The following SLC6A3 variants were observed in gnomAD, a reference collection of about 807,000 sequenced individuals.
The protein encoded by SLC6A3 is solute carrier family 6 member 3.
A neutral mutation model predicts 70.4 loss-of-function variants in SLC6A3; 19 were observed. The observed-to-expected ratio is 0.27, with a 90% CI of 0.19 to 0.40. The LOEUF (loss-of-function observed/expected upper bound fraction) is 0.40, where lower values mean the gene tolerates loss of function less well. Ranked by LOEUF, SLC6A3 falls within the 10% of genes least tolerant of loss-of-function variation. The pLI is 1.00. For synonymous variants in SLC6A3, 368 were observed against 356.6 expected, an observed-to-expected ratio of 1.03 and a Z score of -0.36; for missense variants, 613 against 838.5, an observed-to-expected ratio of 0.73 and a Z score of 3.32.
At chr5:1,440,566 G>C (rs2927676) in intron 3 of SLC6A3, among the ~76,000 whole-genome samples, 120,060 of 152,166 alleles carry the variant, frequency 0.79, 47,545 homozygotes, top group South Asian at 0.85. Context: ...TTCTAACCCC[G>C]CAAACCTCAG....
chr5:1,407,382 C>T (rs1756008978), intron 11 of SLC6A3, among the ~76,000 whole-genome samples: 1 of 152,228 alleles, frequency 6.6e-6, no homozygotes, highest in Non-Finnish European at 1.5e-5. Flanking sequence ...CCGGAAGAAG[C>T]CAAGAGGGGC....
chr5:1,411,379 G>A lies in SLC6A3; in HGVS notation c.1157-24C>T. The A allele has an allele frequency of 6.6e-7, 1 of 1,511,748 alleles. No individual in the cohort carries two copies. The highest frequency in any genetic ancestry group is 9.0e-7 in the Non-Finnish European group (1 of 1,112,290). The allele number at this position is 1,511,748 out of a possible 1,614,324, so 93.6% of individuals were successfully genotyped here. A position where few individuals can be genotyped will look rare whatever the true frequency, so the allele number is the denominator to read the frequency against. On this transcript the variant is annotated intron_variant, in intron 8 of 14. Coordinates refer to ENST00000270349, the MANE Select transcript of SLC6A3 (RefSeq NM_001044.5). The surrounding 1 kb of genome is among the most constrained non-coding windows in gnomAD (Gnocchi z 6.5). ...CCCTGAAACAGAACCCGCCCTGCTT[G>A]CCACAGAGCCCACGCTGTGCTCTCC...
At chr5:1,418,699 T>C (rs1484597927) in intron 6 of SLC6A3, among the ~76,000 whole-genome samples, 2 of 149,308 alleles carry the variant, frequency 1.3e-5, no homozygotes, top group African/African-American at 2.5e-5. Flanking sequence ...CATCCACCAA[T>C]CCACCCATCA....
chr5:1,436,590 C>A lies in SLC6A3; in HGVS notation c.419-3892G>T, dbSNP rs1288400209. Among the ~76,000 whole-genome samples the A allele has an allele frequency of 1.3e-5, 2 of 152,146 alleles. No individual in the cohort carries two copies. Among genetic ancestry groups the A allele is most frequent in the Non-Finnish European group, 2.9e-5 (2 of 68,022 alleles). On this transcript the variant is annotated intron_variant, in intron 3 of 14. Transcript: ENST00000270349. The surrounding 1 kb of genome is among the most constrained non-coding windows in gnomAD (Gnocchi z 5.2). ...CTTAGTATCTTTTTCTTTATATTAA[C>A]CTTGTGTGTAGTTTGTTTTGTGTTT...
At position 1,411,381 on chromosome 5, in the gene SLC6A3, C is replaced by A. The variant is rs1470618559; in HGVS notation, c.1157-26G>T. ...CTGAAACAGAACCCGCCCTGCTTGCCACAGAGCCCACGCTGTGCTCTCCCG... is the reference window on the plus strand; with the variant it reads ...CTGAAACAGAACCCGCCCTGCTTGCAACAGAGCCCACGCTGTGCTCTCCCG... On this transcript the variant is annotated intron_variant, in intron 8 of 14. Coordinates refer to ENST00000270349, the MANE Select transcript of SLC6A3 (RefSeq NM_001044.5). This position sits in a 1 kb window ranked among gnomAD's most constrained non-coding sequence, Gnocchi z 6.5. The A allele has an allele frequency of 6.6e-7, 1 of 1,504,116 alleles. No individual in the cohort carries two copies. Among genetic ancestry groups the A allele is most frequent in the Non-Finnish European group, 9.0e-7 (1 of 1,105,484 alleles). The allele number at this position is 1,504,116 out of a possible 1,614,324, so 93.2% of individuals were successfully genotyped here.
chr5:1,443,675 T>A (rs1200515227), intron 1 of SLC6A3, among the ~76,000 whole-genome samples: 1 of 131,754 alleles, frequency 7.6e-6, no homozygotes, highest in Non-Finnish European at 1.7e-5. Flanking sequence ...TTCTTTTTTC[T>A]TTTTTTTTTC....
At chr5:1,399,919 T>C (rs1413307587) in intron 14 of SLC6A3, among the ~76,000 whole-genome samples, 1 of 152,176 alleles carries the variant, frequency 6.6e-6, no homozygotes. Context: ...CCTCTGCCTG[T>C]ATCCTTGCTC....
intron 4 of SLC6A3, among the ~76,000 whole-genome samples, 181 bp downstream of exon 4, chr5:1,432,283 G>A (rs1039333625): frequency 6.6e-6 from 1 of 152,166 alleles, no homozygotes; most frequent in Non-Finnish European, 1.5e-5. Context: ...TGAGCTCCTG[G>A]AGACCACCAC....
In SLC6A3 at chr5:1,408,360, T is replaced by C. The variant is rs1756036752; in HGVS notation, c.1498+666A>G. Among the ~76,000 whole-genome samples, 1 of 152,114 alleles carries C rather than the reference T, an allele frequency of 6.6e-6. No individual in the cohort carries two copies. Among genetic ancestry groups the C allele is most frequent in the Non-Finnish European group, 1.5e-5 (1 of 68,014 alleles). ...CCCGGACCACACATTCATGGCGAGATGCCCTGGCTCGGCCTCGCCACTTCC... is the reference window on the plus strand; with the variant it reads ...CCCGGACCACACATTCATGGCGAGACGCCCTGGCTCGGCCTCGCCACTTCC... On this transcript the variant is annotated intron_variant, in intron 11 of 14. Coordinates refer to ENST00000270349, the MANE Select transcript of SLC6A3 (RefSeq NM_001044.5). The surrounding 1 kb of genome is among the most constrained non-coding windows in gnomAD (Gnocchi z 6.4).
chr5:1,424,057 G>T (rs540409504), intron 4 of SLC6A3, among the ~76,000 whole-genome samples: 1 of 152,322 alleles, frequency 6.6e-6, no homozygotes, highest in East Asian at 1.9e-4. Context: ...AACAGGGAAG[G>T]CCCCACGAGC....
At chr5:1,443,736 AT>A (rs1175523585) in intron 1 of SLC6A3, among the ~76,000 whole-genome samples, 1 of 151,666 alleles carries the variant, frequency 6.6e-6, no homozygotes, top group Non-Finnish European at 1.5e-5. Context: ...TACAGTTGTG[AT>A]TACAACTCAC....
chr5:1,416,697 C>T (rs1484475043), intron 6 of SLC6A3: 19 of 263,992 alleles, frequency 7.2e-5, no homozygotes, highest in Non-Finnish European at 2.2e-5. Flanking sequence ...CCACACACGG[C>T]ATGACCGCAG....
chr5:1,435,365 G>A (rs192661304), intron 3 of SLC6A3, among the ~76,000 whole-genome samples: 79 of 152,326 alleles, frequency 5.2e-4, no homozygotes, highest in African/African-American at 1.8e-3. Flanking sequence ...AAAACTTTCT[G>A]TATCAAGTCC....
intron 14 of SLC6A3, among the ~76,000 whole-genome samples, chr5:1,395,283 G>GAT (rs1428734575): frequency 1.3e-5 from 2 of 152,236 alleles, no homozygotes; most frequent in Admixed American, 6.5e-5. Flanking sequence ...GGACTGATGA[G>GAT]ATAGACAAGA....
rs624466 is a variant in SLC6A3 at position 1,423,037 on chromosome 5, A to C, written c.654-1023T>G. On this transcript the variant is annotated intron_variant, in intron 4 of 14. Coordinates refer to ENST00000270349, the MANE Select transcript of SLC6A3 (RefSeq NM_001044.5). ...CTGCCCAAGGTGCTGGGTACCCACC[A>C]CTGCCCACAGTACTGCCCAAGGTGC... Among the ~76,000 whole-genome samples, 3 of 27,752 alleles carry C rather than the reference A, an allele frequency of 1.1e-4. 1 individual carries two copies. The highest frequency in any genetic ancestry group is 1.2e-4 in the Non-Finnish European group (2 of 17,390). 18.2% of individuals were successfully genotyped at this position (27,752 alleles called of 152,430 possible).
chr5:1,429,785 T>A (rs957983019), intron 4 of SLC6A3, among the ~76,000 whole-genome samples: 2 of 152,116 alleles, frequency 1.3e-5, no homozygotes, highest in Non-Finnish European at 2.9e-5. Flanking sequence ...CTGTCCCCTC[T>A]CTTTGATCAC....
chr5:1,442,413 C>A lies in SLC6A3; in HGVS notation c.286+499G>T, dbSNP rs1354563213. 2.6e-5 allele frequency among the ~76,000 whole-genome samples: 4 copies of A among 152,130 alleles called. No individual in the cohort carries two copies. Among genetic ancestry groups the A allele is most frequent in the Non-Finnish European group, 5.9e-5 (4 of 68,014 alleles). On this transcript the variant is annotated intron_variant, in intron 2 of 14. Transcript: ENST00000270349. This position sits in a 1 kb window ranked among gnomAD's most constrained non-coding sequence, Gnocchi z 5.0. ...AGGGATCACCAATGTTCTTGGACGTCCCCGGTGGCCCTGCCTCGATCTTCG... is the reference window on the plus strand; with the variant it reads ...AGGGATCACCAATGTTCTTGGACGTACCCGGTGGCCCTGCCTCGATCTTCG...
intron 4 of SLC6A3, among the ~76,000 whole-genome samples, chr5:1,425,274 A>T (rs1756553097): frequency 6.6e-6 from 1 of 152,242 alleles, no homozygotes; most frequent in African/African-American, 2.4e-5. Flanking sequence ...ACCCCGTTTT[A>T]CCAAGAGGGA....
rs2126327559 is a variant in SLC6A3, at chr5:1,404,410, T to C, written c.1600-1321A>G. On this transcript the variant is annotated intron_variant, in intron 12 of 14. Coordinates refer to ENST00000270349, the MANE Select transcript of SLC6A3 (RefSeq NM_001044.5). The surrounding 1 kb of genome is among the most constrained non-coding windows in gnomAD (Gnocchi z 5.2). ...ACATGTCGGGCTTGCCTATCTGACA[T>C]GGAGGTATTGCTGTAATGTGCTCTC... Among the ~76,000 whole-genome samples, 1 of 152,352 alleles carries C rather than the reference T, an allele frequency of 6.6e-6. No individual in the cohort carries two copies. The highest frequency in any genetic ancestry group is 1.9e-4 in the East Asian group (1 of 5,190).
Sources: allele counts gnomAD v4.1 joint callset (sites outside exome capture counted in the v4.1 genomes callset), GRCh38; gene constraint gnomAD v4.1.1; non-coding constraint Gnocchi (gnomAD v3.1); transcripts MANE v1.5; gene names NCBI Gene and HGNC (gene_info 2026-07-23, HGNC 2026-07-21).